TANGO2: variants seen among roughly 807,000 people sequenced by gnomAD.
TANGO2 encodes the protein transport and golgi organization 2 homolog, also known as transport and Golgi organization protein 2 homolog.
A neutral mutation model predicts 39.1 loss-of-function variants in TANGO2; 26 were observed. The observed-to-expected ratio is 0.67, with a 90% CI of 0.49 to 0.92. The LOEUF is 0.92. Among genes scored for constraint, TANGO2 ranks in the 40% least tolerant of loss-of-function variants. The probability of loss-of-function intolerance (pLI) is 0.00; values close to 1 mark genes in which losing one functional copy is unlikely to be tolerated. For missense variants in TANGO2, 326 were observed against 360.1 expected, an observed-to-expected ratio of 0.91 and a Z score of 0.77; for synonymous variants, 131 against 144.5, an observed-to-expected ratio of 0.91 and a Z score of 0.67.
At chr22:20,041,683 T>C (rs1410106388) in intron 2 of TANGO2, among the ~76,000 whole-genome samples, 1 of 152,112 alleles carries the variant, frequency 6.6e-6, no homozygotes, top group African/African-American at 2.4e-5. Flanking sequence ...CCTGACCTCA[T>C]GATCCACCCA....
At chr22:20,031,218 G>A (rs994293597) in intron 1 of TANGO2, among the ~76,000 whole-genome samples, 1 of 151,986 alleles carries the variant, frequency 6.6e-6, no homozygotes, top group African/African-American at 2.4e-5. Flanking sequence ...AATTAGCCGG[G>A]TGTGGTGGTA....
At chr22:20,063,655 C>T (rs2048792634) in intron 8 of TANGO2, 1 of 513,216 alleles carries the variant, frequency 1.9e-6, no homozygotes, top group Non-Finnish European at 3.5e-6. Context: ...GGAGCCAGTA[C>T]ACAGCCACAC....
At chr22:20,032,798 G>A (rs1002890699) in intron 1 of TANGO2, among the ~76,000 whole-genome samples, 3 of 152,220 alleles carry the variant, frequency 2.0e-5, no homozygotes, top group Non-Finnish European at 4.4e-5. Flanking sequence ...TGGTGTGATG[G>A]GACCTGTGGA....
chr22:20,055,757 G>A, intron 5 of TANGO2, 186 bp from the exon 6 acceptor site: 2 of 629,266 alleles, frequency 3.2e-6, no homozygotes, highest in Non-Finnish European at 2.9e-6. Flanking sequence ...CTGGACAAGA[G>A]CTGGGGCCTC....
intron 3 of TANGO2, among the ~76,000 whole-genome samples, chr22:20,045,239 C>T (rs1298890616): frequency 2.0e-5 from 3 of 149,094 alleles, no homozygotes; most frequent in Non-Finnish European, 3.0e-5. Context: ...AGCTTGAGAC[C>T]GGCCTGGGCA....
intron 3 of TANGO2, among the ~76,000 whole-genome samples, chr22:20,052,221 T>C (rs1343829270): frequency 6.6e-6 from 1 of 152,134 alleles, no homozygotes; most frequent in African/African-American, 2.4e-5. Flanking sequence ...GTGTGGTTGG[T>C]GTCATAGTTG....
intron 1 of TANGO2, chr22:20,033,238 G>A (rs185164582): frequency 5.9e-5 from 31 of 527,874 alleles, no homozygotes; most frequent in African/African-American, 3.3e-4. Context: ...CGTCTTCGTC[G>A]AGGCCACAGC....
chr22:20,050,359 T>G (rs2046082820), intron 3 of TANGO2, among the ~76,000 whole-genome samples: 1 of 121,502 alleles, frequency 8.2e-6, no homozygotes, highest in African/African-American at 3.5e-5. Flanking sequence ...TTCCTGGTGG[T>G]TTTTTTTTTT....
rs1297994299 is a variant in TANGO2 at position 20,052,580 on chromosome 22, G to T, written c.261G>T (p.Gly87=). The T allele has an allele frequency of 2.6e-6, 4 of 1,562,420 alleles. No individual in the cohort carries two copies. The highest frequency in any genetic ancestry group is 2.4e-5 in the East Asian group (1 of 42,108). ...LQPQLDWQAR[G]RGELVTHFLT... ...CGCAGCTGGACTGGCAGGCCCGAGGGCGAGGTAAGGCGAGTGGGGTGGGGC... is the reference window on the plus strand; with the variant it reads ...CGCAGCTGGACTGGCAGGCCCGAGGTCGAGGTAAGGCGAGTGGGGTGGGGC... The change falls in exon 4 of 9, where the codon GGG becomes GGT. Residue 87 remains glycine (G), a synonymous_variant. Transcript: ENST00000327374.
intron 2 of TANGO2, among the ~76,000 whole-genome samples, chr22:20,040,181 C>G (rs2043636271): frequency 6.6e-6 from 1 of 152,160 alleles, no homozygotes; most frequent in Admixed American, 6.5e-5. Context: ...CCCTGGCAAA[C>G]CACCAGCAAT....
rs1235945265 is a variant in TANGO2, at chr22:20,057,544, C to T, written c.451+1531C>T. 6.6e-6 allele frequency among the ~76,000 whole-genome samples: 1 copy of T among 152,246 alleles called. No homozygotes were observed. The highest frequency in any genetic ancestry group is 1.5e-5 in the Non-Finnish European group (1 of 68,046). ...CTACCTTGGATACAACTGTGGGCAG[C>T]CCACCTGAGCTCCCAAGAGCTGGGC... On this transcript the variant is annotated intron_variant, in intron 6 of 8. Coordinates refer to ENST00000327374, the MANE Select transcript of TANGO2 (RefSeq NM_152906.7). The surrounding 1 kb of genome is among the most constrained non-coding windows in gnomAD (Gnocchi z 4.1).
chr22:20,032,701 AC>A, intron 1 of TANGO2, among the ~76,000 whole-genome samples: 1 of 152,218 alleles, frequency 6.6e-6, no homozygotes, highest in South Asian at 2.1e-4. Context: ...TGGGACACCA[AC>A]CCTCCTGTAG....
At chr22:20,026,842 G>T (rs1394834927) in intron 1 of TANGO2, among the ~76,000 whole-genome samples, 1 of 152,212 alleles carries the variant, frequency 6.6e-6, no homozygotes. Context: ...GGTGCTAGAC[G>T]TTAGCGGGGA....
intron 5 of TANGO2, chr22:20,055,677 G>A (rs2047195783): frequency 3.6e-6 from 2 of 553,764 alleles, no homozygotes; most frequent in South Asian, 4.1e-5. Flanking sequence ...GGCATGGCAG[G>A]AGGGCATTTT....
chr22:20,028,091 A>AC (rs1372904660), intron 1 of TANGO2, among the ~76,000 whole-genome samples: 1 of 151,886 alleles, frequency 6.6e-6, no homozygotes, highest in African/African-American at 2.4e-5. Context: ...GAGCCACTGC[A>AC]CCCTACCTTA....
intron 1 of TANGO2, among the ~76,000 whole-genome samples, chr22:20,027,885 G>A (rs1188691804): frequency 6.6e-6 from 1 of 151,970 alleles, no homozygotes; most frequent in Admixed American, 6.5e-5. Flanking sequence ...GGCGCCCTCC[G>A]GCTCCTGGGT....
At position 20,021,255 on chromosome 22, in the gene TANGO2, G is replaced by T. The variant is rs975054307; in HGVS notation, c.-40+9G>T. 6.6e-6 allele frequency: 1 copy of T among 152,548 alleles called. No individual in the cohort carries two copies. The highest frequency in any genetic ancestry group is 6.5e-5 in the Admixed American group (1 of 15,308). The allele number at this position is 152,548 out of a possible 1,614,324, so 9.4% of individuals were successfully genotyped here. On this transcript the variant is annotated intron_variant, in intron 1 of 8. Transcript: ENST00000327374. Reference sequence around the variant, plus strand: ...GGCCAGGCTGCTTGAAGGTGGGTGGGCTGGCCGCACTTCCTCACCCTGCCT... The same window carrying T: ...GGCCAGGCTGCTTGAAGGTGGGTGGTCTGGCCGCACTTCCTCACCCTGCCT...
At chr22:20,063,503 G>A (rs2048763041) in intron 8 of TANGO2, 61 bp downstream of exon 8, 3 of 1,468,422 alleles carry the variant, frequency 2.0e-6, no homozygotes, top group Non-Finnish European at 2.8e-6. Context: ...ACGCTAGAGG[G>A]CCGGCAAAGA....
At chr22:20,060,459 T>C (rs1463094072) in intron 6 of TANGO2, among the ~76,000 whole-genome samples, 1 of 152,108 alleles carries the variant, frequency 6.6e-6, no homozygotes, top group Admixed American at 6.5e-5. Flanking sequence ...GCCTCACTAT[T>C]TTGCTATTTT....
Sources: allele counts gnomAD v4.1 joint callset (sites outside exome capture counted in the v4.1 genomes callset), GRCh38; gene constraint gnomAD v4.1.1; non-coding constraint Gnocchi (gnomAD v3.1); transcripts MANE v1.5; gene names NCBI Gene and HGNC (gene_info 2026-07-23, HGNC 2026-07-21).